TOMM70: variants seen among roughly 807,000 people sequenced by gnomAD.
TOMM70 encodes the protein translocase of outer mitochondrial membrane 70, also known as mitochondrial import receptor subunit TOM70.
A neutral mutation model predicts 73.6 loss-of-function variants in TOMM70; 13 were observed. The ratio of observed to expected loss-of-function variants is 0.18; its 90% CI spans 0.11 to 0.28. The LOEUF is 0.28. TOMM70 is among the 10% of genes least tolerant of loss of function. TOMM70 has a pLI of 1.00. For synonymous variants in TOMM70, 257 were observed against 271.2 expected (o/e 0.95, Z 0.51); for missense variants, 609 against 747.5 (o/e 0.81, Z 2.16).
chr3:100,386,251 C>T lies in TOMM70; in HGVS notation c.592G>A (p.Glu198Lys). ...CATTCCTTCTTATTGTCTAGCTTCTCATGGGCTTTTGCACGTCTAAAGAGA... is the reference window on the plus strand; with the variant it reads ...CATTCCTTCTTATTGTCTAGCTTCTTATGGGCTTTTGCACGTCTAAAGAGA... Reference protein sequence around the residue: ...KALFRRAKAHEKLDNKKECLE... With the variant: ...KALFRRAKAHKKLDNKKECLE... The change falls in exon 3 of 12, where the codon GAG becomes AAG. Residue 198 changes from glutamate (E) to lysine (K), a missense_variant. By Grantham distance (56) the Glu-to-Lys change is moderately conservative. Coordinates refer to ENST00000284320, the MANE Select transcript of TOMM70 (RefSeq NM_014820.5). The T allele has an allele frequency of 1.2e-6, 2 of 1,613,092 alleles. No individual in the cohort carries two copies. The highest frequency in any genetic ancestry group is 1.7e-6 in the Non-Finnish European group (2 of 1,179,418).
intron 1 of TOMM70, among the ~76,000 whole-genome samples, chr3:100,390,416 T>G (rs939651488): frequency 3.9e-5 from 6 of 152,256 alleles, no homozygotes; most frequent in Non-Finnish European, 8.8e-5. Context: ...AAGATTATCA[T>G]GGAGCTGAAA....
chr3:100,369,028 A>G lies in TOMM70; in HGVS notation c.1550+10T>C. On this transcript the variant is annotated intron_variant, in intron 10 of 11. Coordinates refer to ENST00000284320, the MANE Select transcript of TOMM70 (RefSeq NM_014820.5). Reference sequence around the variant, plus strand: ...TATTATCTCATTGGAACAATCACAAAAATACATACCCTTTATGAACATATG... The same window carrying G: ...TATTATCTCATTGGAACAATCACAAGAATACATACCCTTTATGAACATATG... The G allele has an allele frequency of 6.4e-7, 1 of 1,572,996 alleles. No homozygotes were observed. The highest frequency in any genetic ancestry group is 8.7e-7 in the Non-Finnish European group (1 of 1,151,096).
intron 6 of TOMM70, chr3:100,377,448 T>C: frequency 2.4e-6 from 1 of 418,108 alleles, no homozygotes; most frequent in Non-Finnish European, 4.4e-6. Flanking sequence ...TGGTAGGCAG[T>C]GGCTACAGGG....
At position 100,365,520 on chromosome 3, in the gene TOMM70, G is replaced by A. The variant is rs1706439232; in HGVS notation, c.*44C>T. ...GTGTCTTTAGGGTTCAGTTGAAGAG[G>A]GGGTAAACTTTTAAAAAGAGGGTCA... On this transcript the variant is annotated 3_prime_UTR_variant, in exon 12 of 12. Transcript: ENST00000284320. The A allele has an allele frequency of 3.7e-6, 6 of 1,612,644 alleles. No homozygotes were observed. Among genetic ancestry groups the A allele is most frequent in the South Asian group, 2.2e-5 (2 of 90,978 alleles).
chr3:100,384,833 T>C (rs892191751), intron 3 of TOMM70, among the ~76,000 whole-genome samples: 1 of 152,232 alleles, frequency 6.6e-6, no homozygotes, highest in South Asian at 2.1e-4. Flanking sequence ...AAAGGGGCTA[T>C]GCTGCATGAT....
intron 11 of TOMM70, among the ~76,000 whole-genome samples, chr3:100,367,282 A>ATT (rs71860843): frequency 4.6e-5 from 7 of 150,756 alleles, no homozygotes; most frequent in South Asian, 4.2e-4. Flanking sequence ...AAGAAACACA[A>ATT]TTTTTTTTTT....
intron 9 of TOMM70, among the ~76,000 whole-genome samples, chr3:100,369,498 ATTTTTTT>A (rs11327711): frequency 7.3e-6 from 1 of 137,722 alleles, no homozygotes; most frequent in South Asian, 2.3e-4. Context: ...GCCCAAGGGA[ATTTTTTT>A]TTTTTTTTTT....
At chr3:100,382,417 G>A (rs541777359) in intron 4 of TOMM70, among the ~76,000 whole-genome samples, 1 of 152,258 alleles carries the variant, frequency 6.6e-6, no homozygotes, top group African/African-American at 2.4e-5. Context: ...ATCTAGGATA[G>A]ATAAAAGTGG....
chr3:100,400,765 T>C lies in TOMM70; in HGVS notation c.185A>G (p.Gln62Arg). The stretch of plus-strand genomic sequence containing the variant: ...GCCTCTGGCCTCCCGGCGCCGTTGC[T>C]GCCGACTCCACAGGTATATGGCACC... ...GAGAIYLWSR[Q>R]QRRREARGRG... Residue 62 changes from glutamine to arginine, a missense_variant, in exon 1 of 12, where the codon CAG becomes CGG. Physicochemically the swap from Gln to Arg is conservative, Grantham distance 43. Coordinates refer to ENST00000284320, the MANE Select transcript of TOMM70 (RefSeq NM_014820.5). 6.3e-7 allele frequency: 1 copy of C among 1,586,930 alleles called. No individual in the cohort carries two copies. The highest frequency in any genetic ancestry group is 8.5e-7 in the Non-Finnish European group (1 of 1,170,682).
At chr3:100,381,429 T>C (rs1706632481) in intron 5 of TOMM70, among the ~76,000 whole-genome samples, 186 bp downstream of exon 5, 1 of 152,118 alleles carries the variant, frequency 6.6e-6, no homozygotes, top group African/African-American at 2.4e-5. Flanking sequence ...AAGTAACAGA[T>C]ACATGCTAGA....
intron 1 of TOMM70, among the ~76,000 whole-genome samples, chr3:100,393,375 T>C (rs1270005337): frequency 6.6e-6 from 1 of 152,090 alleles, no homozygotes; most frequent in Admixed American, 6.6e-5. Flanking sequence ...TGTTCTCACT[T>C]ATAAGTGGGA....
chr3:100,368,990 T>A, intron 10 of TOMM70, 48 bp downstream of exon 10: 1 of 1,384,906 alleles, frequency 7.2e-7, no homozygotes, highest in South Asian at 1.2e-5. Context: ...ATTTTATTAC[T>A]ATGCAAGAAA....
chr3:100,379,455 C>T (rs1213978450), intron 5 of TOMM70, among the ~76,000 whole-genome samples: 1 of 151,934 alleles, frequency 6.6e-6, no homozygotes, highest in East Asian at 1.9e-4. Flanking sequence ...AAGACCCTGT[C>T]TCCATAATTA....
At chr3:100,371,571 G>A (rs1012073269) in intron 9 of TOMM70, among the ~76,000 whole-genome samples, 1 of 151,972 alleles carries the variant, frequency 6.6e-6, no homozygotes, top group African/African-American at 2.4e-5. Flanking sequence ...CCAGCCAGGG[G>A]ATAGTAATTT....
At chr3:100,372,458 G>T (rs1205762956) in intron 9 of TOMM70, 148 bp downstream of exon 9, 4 of 601,042 alleles carry the variant, frequency 6.7e-6, no homozygotes, top group Non-Finnish European at 1.2e-5. Context: ...GGTGATTCGG[G>T]ACCAACCAGG....
intron 1 of TOMM70, among the ~76,000 whole-genome samples, chr3:100,391,993 A>G (rs1706768483): frequency 6.6e-6 from 1 of 152,166 alleles, no homozygotes; most frequent in South Asian, 2.1e-4. Flanking sequence ...CTGTATTTTT[A>G]CTGGATCTTT....
At chr3:100,374,146 T>C (rs1706539002) in intron 7 of TOMM70, among the ~76,000 whole-genome samples, 1 of 152,240 alleles carries the variant, frequency 6.6e-6, no homozygotes, top group African/African-American at 2.4e-5. Flanking sequence ...TAATACTGCA[T>C]TTTTACTGTA....
At position 100,365,639 on chromosome 3, in the gene TOMM70, C is replaced by T. The variant is rs548645013; in HGVS notation, c.1752G>A (p.Leu584=). 1.9e-6 allele frequency: 3 copies of T among 1,614,224 alleles called. No individual in the cohort carries two copies. Among genetic ancestry groups the T allele is most frequent in the Non-Finnish European group, 2.5e-6 (3 of 1,180,032 alleles). The stretch of plus-strand genomic sequence containing the variant: ...CATGGGCGGCATCGCAAAGTGAATA[C>T]AGATGGGCCATCTCCATTTCCGATT... The part of the protein sequence containing the change: ...LAKSEMEMAH[L]YSLCDAAHAQ... The change falls in exon 12 of 12, where the codon CTG becomes CTA. Residue 584 remains leucine, a synonymous_variant. Coordinates refer to ENST00000284320, the MANE Select transcript of TOMM70 (RefSeq NM_014820.5).
At chr3:100,387,593 GACACAGACACACAC>G (rs1180878224) in intron 1 of TOMM70, among the ~76,000 whole-genome samples, 14 of 98,706 alleles carry the variant, frequency 1.4e-4, no homozygotes, top group African/African-American at 5.4e-4. Context: ...CACAGACACA[GACACAGACACACAC>G]ACACACACAC....
Sources: allele counts gnomAD v4.1 joint callset (sites outside exome capture counted in the v4.1 genomes callset), GRCh38; gene constraint gnomAD v4.1.1; transcripts MANE v1.5; gene names NCBI Gene and HGNC (gene_info 2026-07-23, HGNC 2026-07-21).